PLAA: variants seen among roughly 807,000 people sequenced by gnomAD.
PLAA encodes phospholipase A-2-activating protein.
A neutral mutation model predicts 84.1 loss-of-function variants in PLAA; 48 were observed. The ratio of observed to expected loss-of-function variants is 0.57; its 90% CI spans 0.45 to 0.73. PLAA has a LOEUF of 0.73. Ranked by LOEUF, PLAA falls within the 30% of genes least tolerant of loss-of-function variation. PLAA has a pLI of 0.00. For missense variants in PLAA, 903 were observed against 954.7 expected (o/e 0.95, Z 0.71); for synonymous variants, 392 against 336.6 (o/e 1.16, Z -1.80).
At chr9:26,943,419 T>C (rs1337656750) in intron 1 of PLAA, among the ~76,000 whole-genome samples, 2 of 152,186 alleles carry the variant, frequency 1.3e-5, no homozygotes, top group Admixed American at 6.5e-5. Context: ...ATCTAGAACC[T>C]TAGCAACAAC....
Position 26,935,130 on chromosome 9 carries a change from A to G in PLAA, c.226T>C (p.Ser76Pro), listed in dbSNP as rs1281703001. Residue 76 changes from serine to proline, a missense_variant, in exon 2 of 14, where the codon TCA (serine) becomes CCA (proline). Coordinates refer to ENST00000397292, the MANE Select transcript of PLAA (RefSeq NM_001031689.3). ...NFVSCVCIIP[S>P]SDIYPHGLIA... Reference sequence around the variant, plus strand: ...AGGCCATGAGGGTAGATGTCACTTGAGGGTATGATGCATACACAAGATACA... The same window carrying G: ...AGGCCATGAGGGTAGATGTCACTTGGGGGTATGATGCATACACAAGATACA... 2.5e-6 allele frequency: 4 copies of G among 1,610,360 alleles called. No homozygotes were observed. Among genetic ancestry groups the G allele is most frequent in the Admixed American group, 1.7e-5 (1 of 58,974 alleles).
In PLAA at chr9:26,932,564, G is replaced by T. The variant is rs12343386; in HGVS notation, c.343+2449C>A. ...TGAGAGCAACCATATGGCCTGAAAA[G>T]CAGAAAATTTATTTACTATCTGATC... is the stretch of plus-strand genomic sequence containing the variant. On this transcript the variant is annotated intron_variant, in intron 2 of 13. Coordinates refer to ENST00000397292, the MANE Select transcript of PLAA (RefSeq NM_001031689.3). 2.6e-5 allele frequency among the ~76,000 whole-genome samples: 4 copies of T among 152,126 alleles called. No individual in the cohort carries two copies. In the South Asian group the frequency reaches 8.3e-4, roughly 31 times the overall value.
chr9:26,945,180 G>C (rs987574391), intron 1 of PLAA, among the ~76,000 whole-genome samples: 1 of 151,982 alleles, frequency 6.6e-6, no homozygotes, highest in South Asian at 2.1e-4. Context: ...TTCAAATAGA[G>C]AATCAGTTCA....
Position 26,904,656 on chromosome 9 carries a change from T to C in PLAA, c.*855A>G, listed in dbSNP as rs968950767. 1.3e-5 allele frequency: 2 copies of C among 152,204 alleles called. No homozygotes were observed. The highest frequency in any genetic ancestry group is 2.9e-5 in the Non-Finnish European group (2 of 68,016). The allele number at this position is 152,204 out of a possible 1,614,324, so 9.4% of individuals were successfully genotyped here. A position where few individuals can be genotyped will look rare whatever the true frequency, so the allele number is the denominator to read the frequency against. On this transcript the variant is annotated 3_prime_UTR_variant, in exon 14 of 14. Coordinates refer to ENST00000397292, the MANE Select transcript of PLAA (RefSeq NM_001031689.3). ...GACCACATAGAGGGCTCAAAAATAG[T>C]AATTTCACATGACAGGTTCTAGACT...
At chr9:26,945,280 G>C (rs141803943) in intron 1 of PLAA, among the ~76,000 whole-genome samples, 2 of 152,160 alleles carry the variant, frequency 1.3e-5, no homozygotes, top group Admixed American at 1.3e-4. Flanking sequence ...TTTAATGACA[G>C]GATTCCATTA....
intron 4 of PLAA, 61 bp downstream of exon 4, chr9:26,928,038 GA>G (rs1271883391): frequency 3.9e-5 from 60 of 1,521,994 alleles, no homozygotes; most frequent in Non-Finnish European, 4.6e-5. Flanking sequence ...AAACTTCTGA[GA>G]AAAAAAATCT....
At chr9:26,937,400 C>T (rs1400994454) in intron 1 of PLAA, among the ~76,000 whole-genome samples, 5 of 152,100 alleles carry the variant, frequency 3.3e-5, no homozygotes, top group East Asian at 3.9e-4. Flanking sequence ...AAAAACATAA[C>T]AAAAAACAGC....
chr9:26,942,693 T>C (rs1044413350), intron 1 of PLAA, among the ~76,000 whole-genome samples: 1 of 151,952 alleles, frequency 6.6e-6, no homozygotes. Context: ...CCATCCTGGC[T>C]AACACTGTGA....
At chr9:26,921,146 A>T (rs1389662105) in intron 7 of PLAA, among the ~76,000 whole-genome samples, 1 of 152,152 alleles carries the variant, frequency 6.6e-6, no homozygotes, top group Non-Finnish European at 1.5e-5. Context: ...AACTTCAGCC[A>T]CAGAGCCTTT....
intron 6 of PLAA, among the ~76,000 whole-genome samples, chr9:26,925,324 A>C (rs937374900): frequency 6.6e-6 from 1 of 152,252 alleles, no homozygotes; most frequent in Non-Finnish European, 1.5e-5. Context: ...GCATGAAAGC[A>C]CTAAAGGTTC....
intron 10 of PLAA, chr9:26,916,355 T>C: frequency 1.0e-6 from 1 of 987,052 alleles, no homozygotes; most frequent in Non-Finnish European, 1.2e-6. Context: ...AAAGCCATTC[T>C]GAAAATAGAG....
At chr9:26,924,288 G>A (rs1471871314) in intron 6 of PLAA, among the ~76,000 whole-genome samples, 1 of 151,824 alleles carries the variant, frequency 6.6e-6, no homozygotes, top group Non-Finnish European at 1.5e-5. Flanking sequence ...ATGCCACCAT[G>A]CCCAGCTAAT....
chr9:26,930,463 T>C (rs1368642503), intron 2 of PLAA, among the ~76,000 whole-genome samples: 1 of 152,108 alleles, frequency 6.6e-6, no homozygotes, highest in African/African-American at 2.4e-5. Context: ...GAAGCATGTG[T>C]GGAGAGAAAG....
intron 2 of PLAA, among the ~76,000 whole-genome samples, chr9:26,934,306 T>C (rs988685507): frequency 6.6e-5 from 10 of 152,088 alleles, no homozygotes; most frequent in African/African-American, 2.2e-4. Context: ...AATATTCAAA[T>C]ATATTAAATA....
chr9:26,925,549 C>G (rs770979721), intron 6 of PLAA, among the ~76,000 whole-genome samples: 4 of 152,230 alleles, frequency 2.6e-5, no homozygotes, highest in Non-Finnish European at 5.9e-5. Context: ...TCTACCTTCT[C>G]TAACTTCTTT....
At chr9:26,929,322 C>T (rs1191541071) in intron 2 of PLAA, among the ~76,000 whole-genome samples, 1 of 152,060 alleles carries the variant, frequency 6.6e-6, no homozygotes, top group Non-Finnish European at 1.5e-5. Flanking sequence ...GAGACTCCAG[C>T]TCTAAAACAA....
chr9:26,924,598 C>CAAAT, intron 6 of PLAA, among the ~76,000 whole-genome samples: 1 of 152,194 alleles, frequency 6.6e-6, no homozygotes, highest in Admixed American at 6.5e-5. Context: ...AAACCAAATC[C>CAAAT]AAATGCTTTT....
At position 26,913,909 on chromosome 9, in the gene PLAA, T is replaced by C. The variant is rs1385713572; in HGVS notation, c.1525A>G (p.Thr509Ala). 1 of 1,612,688 alleles carries C rather than the reference T, an allele frequency of 6.2e-7. No individual in the cohort carries two copies. Among genetic ancestry groups the C allele is most frequent in the Non-Finnish European group, 8.5e-7 (1 of 1,178,800 alleles). Residue 509 changes from threonine to alanine, a missense_variant, in exon 11 of 14, where the codon ACT (threonine) becomes GCT (alanine). Thr to Ala is a moderately conservative substitution (Grantham distance 58). Coordinates refer to ENST00000397292, the MANE Select transcript of PLAA (RefSeq NM_001031689.3). ...AATGGATCAACTCCGGCCATGGTAG[T>C]TCCCATACTTGCAGAACCTGGTACA... ...RYVPGSASMG[T>A]TMAGVDPFTG...
At chr9:26,916,693 GT>G (rs1824574031) in intron 10 of PLAA, 2 of 996,540 alleles carry the variant, frequency 2.0e-6, no homozygotes, top group Non-Finnish European at 1.2e-6. Context: ...TGGTTGGTGG[GT>G]TCCCCTATTA....
Sources: gnomAD v4.1 joint callset for allele counts (sites outside exome capture counted in the v4.1 genomes callset) on GRCh38, gnomAD v4.1.1 for gene constraint, MANE v1.5 for transcripts, NCBI Gene and HGNC (gene_info 2026-07-23, HGNC 2026-07-21) for gene names.